Variants in ZNF623 observed in about 807,000 individuals in gnomAD.
ZNF623 encodes the protein zinc finger protein 623.
ZNF623 carries 16 observed loss-of-function variants against 24.0 expected under a neutral mutation model. The observed-to-expected ratio is 0.67, with a 90% CI of 0.45 to 1.01. ZNF623 has a LOEUF of 1.01. ZNF623 is among the 50% of genes least tolerant of loss of function. ZNF623 has a pLI of 0.00. For missense variants in ZNF623, 566 were observed against 606.5 expected, an observed-to-expected ratio of 0.93 and a Z score of 0.70; for synonymous variants, 224 against 219.8, an observed-to-expected ratio of 1.02 and a Z score of -0.17.
chr8:143,647,989 A>G (rs1815211916), intron 1 of ZNF623, among the ~76,000 whole-genome samples: 1 of 152,206 alleles, frequency 6.6e-6, no homozygotes, highest in Non-Finnish European at 1.5e-5. Flanking sequence ...GGAGAAAACT[A>G]TAGAAGGAGG....
chr8:143,651,685 G>C lies in ZNF623; in HGVS notation c.*202G>C, dbSNP rs968238292. 1.5e-5 allele frequency: 8 copies of C among 549,298 alleles called. No individual in the cohort carries two copies. Among genetic ancestry groups the C allele is most frequent in the Non-Finnish European group, 1.9e-5 (6 of 312,344 alleles). The allele number at this position is 549,298 out of a possible 1,614,324, so 34.0% of individuals were successfully genotyped here. On this transcript the variant is annotated 3_prime_UTR_variant, in exon 2 of 2. Transcript: ENST00000526926. ...GAGCACTGTCCTCAGGAGAGTCACAGGGCTTGACACCTGACTCTGAGCTGG... is the reference window on the plus strand; with the variant it reads ...GAGCACTGTCCTCAGGAGAGTCACACGGCTTGACACCTGACTCTGAGCTGG...
rs763251196 is a variant in ZNF623 at position 143,650,141 on chromosome 8, CAGG to C, written c.152_154del (p.Gly51del). 1.9e-5 allele frequency: 30 copies of C among 1,614,070 alleles called. No homozygotes were observed. In the South Asian group the frequency reaches 3.0e-4, roughly 16 times the overall value. On this transcript the variant is annotated inframe_deletion, in exon 2 of 2. Coordinates refer to ENST00000526926, the MANE Select transcript of ZNF623 (RefSeq NM_001261843.2). This position sits in a 1 kb window ranked among gnomAD's most constrained non-coding sequence, Gnocchi z 5.2. ...ACAGTGACCCATTGGAAGATCCAGA[CAGG>C]AGAGACAGCTCAAGTGTGCACCAAG... is the stretch of plus-strand genomic sequence containing the variant.
rs919805709 is a variant in ZNF623, at chr8:143,637,943, C to CT, written c.-96+1806dup. 9.9e-5 allele frequency among the ~76,000 whole-genome samples: 15 copies of CT among 151,908 alleles called. No individual in the cohort carries two copies. In the East Asian group the frequency reaches 1.4e-3, roughly 14 times the overall value. ...GTGGAGCCACAAGTCAGGTGGCTTC[C>CT]TTTTTTTTGCATTTCATGTCAGTTT... On this transcript the variant is annotated intron_variant, in intron 1 of 1. Transcript: ENST00000526926.
intron 1 of ZNF623, among the ~76,000 whole-genome samples, chr8:143,648,325 G>A (rs559186853): frequency 7.2e-5 from 11 of 152,186 alleles, no homozygotes; most frequent in South Asian, 4.1e-4. Context: ...CTGAAGGAGC[G>A]GGGCTGTGTC....
chr8:143,639,290 T>C (rs1271266433), intron 1 of ZNF623, among the ~76,000 whole-genome samples: 2 of 152,196 alleles, frequency 1.3e-5, no homozygotes, highest in Non-Finnish European at 2.9e-5. Context: ...TGATCTCAGC[T>C]CACTGCAGCC....
chr8:143,650,474 A>T lies in ZNF623; in HGVS notation c.482A>T (p.His161Leu), dbSNP rs1326399274. The T allele has an allele frequency of 6.2e-7, 1 of 1,614,200 alleles. No homozygotes were observed. The highest frequency in any genetic ancestry group is 1.7e-5 in the Admixed American group (1 of 60,012). Residue 161 changes from histidine (H) to leucine (L), a missense_variant, in exon 2 of 2, where the codon CAT becomes CTT. By Grantham distance (99) the His-to-Leu change is moderately conservative. Around this residue, in one of 3 missense-constraint regions of ZNF623, gnomAD observed 313 missense variants for 300.4 expected, o/e 1.04. Transcript: ENST00000526926. The surrounding 1 kb of genome is among the most constrained non-coding windows in gnomAD (Gnocchi z 5.2). ...YSGLIEHQRV[H>L]SGEKPFKCAQ... Reference sequence around the variant, plus strand: ...GGTCTCATTGAGCATCAGCGCGTTCATTCAGGAGAAAAGCCCTTCAAATGT... The same window carrying T: ...GGTCTCATTGAGCATCAGCGCGTTCTTTCAGGAGAAAAGCCCTTCAAATGT...
At position 143,644,358 on chromosome 8, in the gene ZNF623, T is replaced by C. The variant is rs567025390; in HGVS notation, c.-95-5540T>C. The stretch of plus-strand genomic sequence containing the variant: ...AACGAGCAGAACCTCCAGTTTTATT[T>C]ACTGGCTTCTGGGCTGGGCTGATCC... On this transcript the variant is annotated intron_variant, in intron 1 of 1. Transcript: ENST00000526926. Among the ~76,000 whole-genome samples, 85 of 152,298 alleles carry C rather than the reference T, an allele frequency of 5.6e-4. 1 individual carries two copies. In the South Asian group the frequency reaches 0.017, roughly 30 times the overall value.
chr8:143,640,941 TAAAAAA>T lies in ZNF623; in HGVS notation c.-96+4818_-96+4823del, dbSNP rs57279986. ...GGGAACGAGAGTGAAACTCTGTCTT[TAAAAAA>T]AAAAAAAAAAAAAAAAAAAAAGCAG... On this transcript the variant is annotated intron_variant, in intron 1 of 1. Transcript: ENST00000526926. Among the ~76,000 whole-genome samples the T allele has an allele frequency of 1.3e-3, 87 of 65,554 alleles. 1 individual carries two copies. The East Asian group carries it at 0.041, about 31-fold the overall frequency. The allele number at this position is 65,554 out of a possible 152,430, so 43.0% of individuals were successfully genotyped here.
intron 1 of ZNF623, among the ~76,000 whole-genome samples, chr8:143,647,959 G>A (rs1815211382): frequency 6.6e-6 from 1 of 152,190 alleles, no homozygotes; most frequent in South Asian, 2.1e-4. Context: ...AGTGTCTGTG[G>A]CCTGAACAAA....
rs896296879 is a variant in ZNF623, at chr8:143,652,238, A to G, written c.*755A>G. 1.2e-5 allele frequency: 2 copies of G among 166,978 alleles called. No homozygotes were observed. The highest frequency in any genetic ancestry group is 4.8e-5 in the African/African-American group (2 of 41,402). 10.3% of individuals were successfully genotyped at this position (166,978 alleles called of 1,614,324 possible). On this transcript the variant is annotated 3_prime_UTR_variant, in exon 2 of 2. Transcript: ENST00000526926. The stretch of plus-strand genomic sequence containing the variant: ...GCTCAGTGATTACTGCTATTACTAT[A>G]TTTACTTGCATATGTCAGAATGATG...
Position 143,650,018 on chromosome 8 carries a change from AG to A in ZNF623, c.28del (p.Glu10LysfsTer7), listed in dbSNP as rs1445870783. On this transcript the variant is annotated frameshift_variant, in exon 2 of 2. Transcript: ENST00000526926. LOFTEE classifies it low-confidence loss of function (END_TRUNC). This position sits in a 1 kb window ranked among gnomAD's most constrained non-coding sequence, Gnocchi z 5.2. ...ATGGAGCTCCCCTCTCCCGAGTCTG[AG>A]GAAGTCCACGAGCCCAGATTAGGGG... MELPSPES[E>X]EVHEPRLGEL... The A allele has an allele frequency of 1.2e-6, 2 of 1,614,064 alleles. No homozygotes were observed.
Position 143,653,555 on chromosome 8 carries a change from AAAG to A in ZNF623, c.*2076_*2078del, listed in dbSNP as rs1407525744. On this transcript the variant is annotated 3_prime_UTR_variant, in exon 2 of 2. Coordinates refer to ENST00000526926, the MANE Select transcript of ZNF623 (RefSeq NM_001261843.2). ...AGAACCAAAAACGTTTCTGTCACCC[AAAG>A]AAGTTCCCTTTTGCCTTTTCCTAGT... The A allele has an allele frequency of 1.8e-5, 3 of 167,096 alleles. No individual in the cohort carries two copies. The highest frequency in any genetic ancestry group is 4.4e-5 in the Non-Finnish European group (3 of 68,136). 10.4% of individuals were successfully genotyped at this position (167,096 alleles called of 1,614,324 possible).
intron 1 of ZNF623, among the ~76,000 whole-genome samples, chr8:143,645,000 A>G (rs1815139180): frequency 6.6e-6 from 1 of 151,952 alleles, no homozygotes; most frequent in South Asian, 2.1e-4. Context: ...TGATGGCGCA[A>G]GCCTATAATC....
At chr8:143,648,735 G>A (rs550416731) in intron 1 of ZNF623, among the ~76,000 whole-genome samples, 6 of 152,164 alleles carry the variant, frequency 3.9e-5, no homozygotes, top group Non-Finnish European at 5.9e-5. Context: ...GTTTAACCCA[G>A]GTAACAAGCC....
Position 143,652,398 on chromosome 8 carries a change from TCTTGCTTTGTC to T in ZNF623, c.*919_*929del, listed in dbSNP as rs1487056198. On this transcript the variant is annotated 3_prime_UTR_variant, in exon 2 of 2. Coordinates refer to ENST00000526926, the MANE Select transcript of ZNF623 (RefSeq NM_001261843.2). Reference sequence around the variant, plus strand: ...TAAATCTATGTGTAATTGGCATCTCTCTTGCTTTGTCCTTTCTATACTGCCATTCTAAAAAT... The same window carrying T: ...TAAATCTATGTGTAATTGGCATCTCTCTTTCTATACTGCCATTCTAAAAAT... 2 of 167,134 alleles carry T rather than the reference TCTTGCTTTGTC, an allele frequency of 1.2e-5. No individual in the cohort carries two copies. The highest frequency in any genetic ancestry group is 4.8e-5 in the African/African-American group (2 of 41,468). The allele number at this position is 167,134 out of a possible 1,614,324, so 10.4% of individuals were successfully genotyped here.
At chr8:143,648,468 G>C (rs1815220815) in intron 1 of ZNF623, among the ~76,000 whole-genome samples, 1 of 152,096 alleles carries the variant, frequency 6.6e-6, no homozygotes, top group Non-Finnish European at 1.5e-5. Context: ...GCGTGGGGTG[G>C]GGGCTCTTTG....
chr8:143,650,171 C>T lies in ZNF623; in HGVS notation c.179C>T (p.Ser60Leu), dbSNP rs1246294992. 3 of 1,614,076 alleles carry T rather than the reference C, an allele frequency of 1.9e-6. No individual in the cohort carries two copies. The highest frequency in any genetic ancestry group is 2.5e-6 in the Non-Finnish European group (3 of 1,180,050). Residue 60 changes from serine (S) to leucine (L), a missense_variant, in exon 2 of 2, where the codon TCA becomes TTA. Ser to Leu is a moderately radical substitution (Grantham distance 145). Transcript: ENST00000526926. This position sits in a 1 kb window ranked among gnomAD's most constrained non-coding sequence, Gnocchi z 5.2. ...GAGACAGCTCAAGTGTGCACCAAGT[C>T]AGGAAGAAACCATATTCTGAACTCA... ...TGETAQVCTK[S>L]GRNHILNSDL...
chr8:143,648,812 TTTC>T (rs1324833990), intron 1 of ZNF623, among the ~76,000 whole-genome samples: 1 of 151,984 alleles, frequency 6.6e-6, no homozygotes, highest in African/African-American at 2.4e-5. Flanking sequence ...CCTTGCCTGA[TTTC>T]TTCTGTTTTC....
intron 1 of ZNF623, 55 bp from the exon 2 acceptor site, chr8:143,649,843 G>T (rs772108338): frequency 6.4e-7 from 1 of 1,571,304 alleles, no homozygotes; most frequent in Non-Finnish European, 8.7e-7. Context: ...CCTGATTCAG[G>T]AGATCCCCAT....
Sources: gnomAD v4.1 joint callset for allele counts (sites outside exome capture counted in the v4.1 genomes callset) on GRCh38, gnomAD v4.1.1 for gene constraint, gnomAD v4.1.1 regional missense constraint, Gnocchi (gnomAD v3.1) non-coding constraint, MANE v1.5 for transcripts, NCBI Gene and HGNC (gene_info 2026-07-23, HGNC 2026-07-21) for gene names.